The following CCDC85A variants were observed in gnomAD, a reference collection of about 807,000 sequenced individuals.
The protein encoded by CCDC85A is coiled-coil domain containing 85A.
Under a neutral mutation model 50.2 loss-of-function variants are expected in CCDC85A, and 38 were observed. The ratio of observed to expected loss-of-function variants is 0.76; its 90% confidence interval spans 0.58 to 0.99. The LOEUF (loss-of-function observed/expected upper bound fraction) is 0.99. Among genes scored for constraint, CCDC85A ranks in the 50% least tolerant of loss-of-function variants. The probability of loss-of-function intolerance (pLI) is 0.00; values close to 1 mark genes in which losing one functional copy is unlikely to be tolerated. For missense variants in CCDC85A, 820 were observed against 742.0 expected (o/e 1.11, Z -1.22); for synonymous variants, 366 against 301.4 (o/e 1.21, Z -2.22).
At chr2:56,222,467 C>G (rs977828333) in intron 2 of CCDC85A, among the ~76,000 whole-genome samples, 5 of 152,064 alleles carry the variant, frequency 3.3e-5, no homozygotes, top group Non-Finnish European at 7.4e-5. Flanking sequence ...TTTTTATGTG[C>G]AGTCATGCAA....
chr2:56,333,701 A>G (rs56777938), intron 2 of CCDC85A, among the ~76,000 whole-genome samples: 52,888 of 151,970 alleles, frequency 0.35, 9,552 homozygotes, highest in East Asian at 0.47. Flanking sequence ...TTCTCAAGAT[A>G]TTTTGGAGGT....
chr2:56,356,799 A>G (rs533666579), intron 3 of CCDC85A, among the ~76,000 whole-genome samples: 1 of 150,788 alleles, frequency 6.6e-6, no homozygotes, highest in East Asian at 2.0e-4. Flanking sequence ...GCCGGGCACG[A>G]TGGCTCATGC....
chr2:56,242,215 A>G (rs1669293359), intron 2 of CCDC85A, among the ~76,000 whole-genome samples: 1 of 152,242 alleles, frequency 6.6e-6, no homozygotes, highest in African/African-American at 2.4e-5. Context: ...AGCTCCTTAT[A>G]TAGTCTTGTT....
chr2:56,184,783 C>T lies in CCDC85A; in HGVS notation c.159C>T (p.Ile53=), dbSNP rs1396870026. Reference sequence around the variant, plus strand: ...TGCAGTGGAGCAAGGAGGAGCTGATCCGCAGCCTGCGGCGCGCCGAGGCGG... The same window carrying T: ...TGCAGTGGAGCAAGGAGGAGCTGATTCGCAGCCTGCGGCGCGCCGAGGCGG... ...ELLQWSKEEL[I]RSLRRAEAEK... is the part of the protein sequence containing the mutation. Residue 53 remains isoleucine (I), a synonymous_variant, in exon 1 of 6, where the codon ATC becomes ATT. Coordinates refer to ENST00000407595, the MANE Select transcript of CCDC85A (RefSeq NM_001080433.2). 3.2e-6 allele frequency: 5 copies of T among 1,546,432 alleles called. No individual in the cohort carries two copies. Among genetic ancestry groups the T allele is most frequent in the Non-Finnish European group, 4.4e-6 (5 of 1,146,068 alleles).
At chr2:56,219,008 C>T (rs1002498743) in intron 2 of CCDC85A, among the ~76,000 whole-genome samples, 6 of 151,316 alleles carry the variant, frequency 4.0e-5, no homozygotes, top group African/African-American at 9.7e-5. Context: ...AACTGTGAAG[C>T]TCTGAATTCT....
Position 56,384,536 on chromosome 2 carries a change from G to A in CCDC85A, c.*181G>A. 1.8e-6 allele frequency: 1 copy of A among 556,422 alleles called. No homozygotes were observed. Among genetic ancestry groups the A allele is most frequent in the Admixed American group, 3.0e-5 (1 of 33,646 alleles). 34.5% of individuals were successfully genotyped at this position (556,422 alleles called of 1,614,324 possible). A position where few individuals can be genotyped will look rare whatever the true frequency, so the allele number is the denominator to read the frequency against. On this transcript the variant is annotated 3_prime_UTR_variant, in exon 6 of 6. Coordinates refer to ENST00000407595, the MANE Select transcript of CCDC85A (RefSeq NM_001080433.2). ...ACTTCTCCCCTCAAGCTGATATTCT[G>A]TGTCTCTCACCTCAATGTCCACAAC... is the stretch of plus-strand genomic sequence containing the variant.
chr2:56,311,468 TA>T (rs1672688604), intron 2 of CCDC85A, among the ~76,000 whole-genome samples: 1 of 151,936 alleles, frequency 6.6e-6, no homozygotes, highest in East Asian at 1.9e-4. Flanking sequence ...TTTTTTTTTT[TA>T]ATTTTATTAT....
At chr2:56,219,930 T>G (rs988821061) in intron 2 of CCDC85A, among the ~76,000 whole-genome samples, 12 of 151,834 alleles carry the variant, frequency 7.9e-5, no homozygotes, top group Non-Finnish European at 1.3e-4. Flanking sequence ...GACAATACAA[T>G]GTGGTAAATG....
At chr2:56,236,777 T>C (rs1212848772) in intron 2 of CCDC85A, among the ~76,000 whole-genome samples, 1 of 152,160 alleles carries the variant, frequency 6.6e-6, no homozygotes. Context: ...GGCTTCTTCA[T>C]CATTTTGGCC....
chr2:56,358,678 A>G (rs900198530), intron 3 of CCDC85A, among the ~76,000 whole-genome samples: 3 of 152,204 alleles, frequency 2.0e-5, no homozygotes, highest in African/African-American at 7.2e-5. Flanking sequence ...TACAAAATAG[A>G]CAGTGGCCTG....
At chr2:56,281,055 AT>A in intron 2 of CCDC85A, among the ~76,000 whole-genome samples, 1 of 152,122 alleles carries the variant, frequency 6.6e-6, no homozygotes. Context: ...GATTTAGAAC[AT>A]TTCCATCACC....
intron 2 of CCDC85A, among the ~76,000 whole-genome samples, chr2:56,322,593 G>A (rs929972046): frequency 6.6e-6 from 1 of 152,158 alleles, no homozygotes. Context: ...ACCACAATGA[G>A]ATACCATCTC....
chr2:56,194,213 T>G (rs1437095775), intron 2 of CCDC85A, among the ~76,000 whole-genome samples: 2 of 152,238 alleles, frequency 1.3e-5, no homozygotes, highest in Admixed American at 1.3e-4. Flanking sequence ...GTTTGGACAC[T>G]CTTTTGGTTT....
chr2:56,288,781 A>G (rs1159292771), intron 2 of CCDC85A, among the ~76,000 whole-genome samples: 1 of 152,166 alleles, frequency 6.6e-6, no homozygotes, highest in Non-Finnish European at 1.5e-5. Context: ...TCCTAAGACC[A>G]GAGCACCAAA....
chr2:56,316,893 C>A (rs917900068), intron 2 of CCDC85A, among the ~76,000 whole-genome samples: 3 of 152,078 alleles, frequency 2.0e-5, no homozygotes, highest in African/African-American at 4.8e-5. Context: ...ACAATAGTTG[C>A]CACAGAGATT....
At chr2:56,216,509 G>A (rs1242952346) in intron 2 of CCDC85A, among the ~76,000 whole-genome samples, 2 of 151,632 alleles carry the variant, frequency 1.3e-5, no homozygotes, top group Non-Finnish European at 2.9e-5. Context: ...ATATTTGAAT[G>A]TTTATCGACA....
At chr2:56,281,398 T>C (rs1671201823) in intron 2 of CCDC85A, among the ~76,000 whole-genome samples, 1 of 152,222 alleles carries the variant, frequency 6.6e-6, no homozygotes, top group Admixed American at 6.5e-5. Context: ...ATACAAGTCT[T>C]TTTGTGGATA....
chr2:56,285,550 A>G (rs1222451286), intron 2 of CCDC85A, among the ~76,000 whole-genome samples: 5 of 146,012 alleles, frequency 3.4e-5, no homozygotes, highest in Admixed American at 2.1e-4. Flanking sequence ...TATATATAAT[A>G]TAACATAATA....
At chr2:56,317,588 G>A (rs1368824725) in intron 2 of CCDC85A, among the ~76,000 whole-genome samples, 1 of 152,062 alleles carries the variant, frequency 6.6e-6, no homozygotes, top group Admixed American at 6.6e-5. Context: ...TATTGGAATT[G>A]TATTCATAAT....
Sources: allele counts gnomAD v4.1 joint callset (sites outside exome capture counted in the v4.1 genomes callset), GRCh38; gene constraint gnomAD v4.1.1; transcripts MANE v1.5; gene names NCBI Gene and HGNC (gene_info 2026-07-23, HGNC 2026-07-21).